The following CSMD3 variants were observed in gnomAD, a reference collection of about 807,000 sequenced individuals.
CSMD3 encodes CUB and Sushi multiple domains 3.
In CSMD3, 177 loss-of-function variants were observed where a neutral mutation model predicts 435.2. That is an observed-to-expected ratio of 0.41 (90% confidence interval 0.36 to 0.46). The LOEUF is 0.46. Ranked by LOEUF, CSMD3 falls within the 20% of genes least tolerant of loss-of-function variation. CSMD3 has a pLI of 0.34. For synonymous variants in CSMD3, 1,656 were observed against 1,520.5 expected (o/e 1.09, Z -2.07); for missense variants, 4,265 against 4,504.6 (o/e 0.95, Z 1.52).
chr8:113,000,537 C>T (rs985227540), intron 6 of CSMD3, among the ~76,000 whole-genome samples: 1 of 151,900 alleles, frequency 6.6e-6, no homozygotes, highest in South Asian at 2.1e-4. Flanking sequence ...TTAGTCATTC[C>T]ACAATGCATT....
intron 67 of CSMD3, 80 bp from the exon 68 acceptor site, chr8:112,234,557 T>C: frequency 1.2e-6 from 1 of 829,672 alleles, no homozygotes; most frequent in Admixed American, 1.8e-5. Context: ...ATTCCTTAAA[T>C]AGATTATGTA....
At chr8:113,331,849 T>C (rs55812730) in intron 1 of CSMD3, among the ~76,000 whole-genome samples, 15,758 of 151,732 alleles carry the variant, frequency 0.1, 954 homozygotes, top group Middle Eastern at 0.17. Flanking sequence ...AGATAGGGCT[T>C]TTCCTCTAAG....
chr8:112,368,177 T>C (rs567289367), intron 38 of CSMD3, among the ~76,000 whole-genome samples: 1 of 152,288 alleles, frequency 6.6e-6, no homozygotes, highest in East Asian at 1.9e-4. Flanking sequence ...AAATTCTTAT[T>C]TGCCAGAAGG....
intron 12 of CSMD3, among the ~76,000 whole-genome samples, chr8:112,815,434 C>T (rs973217472): frequency 3.6e-4 from 55 of 152,110 alleles, no homozygotes; most frequent in African/African-American, 1.3e-3. Context: ...AAATCTTTAG[C>T]ATACACATCT....
At chr8:113,215,050 T>C (rs903807514) in intron 3 of CSMD3, among the ~76,000 whole-genome samples, 1 of 151,874 alleles carries the variant, frequency 6.6e-6, no homozygotes, top group South Asian at 2.1e-4. Context: ...TGCTATCGTA[T>C]ACAGAGCCAC....
chr8:112,250,530 G>A (rs1354892333), intron 63 of CSMD3, among the ~76,000 whole-genome samples: 1 of 151,344 alleles, frequency 6.6e-6, no homozygotes, highest in African/African-American at 2.4e-5. Flanking sequence ...ATTTTAAATA[G>A]TTCTTTATCC....
At chr8:113,413,733 T>A (rs554744779) in intron 1 of CSMD3, among the ~76,000 whole-genome samples, 1 of 152,198 alleles carries the variant, frequency 6.6e-6, no homozygotes, top group South Asian at 2.1e-4. Flanking sequence ...TTTTGTATAG[T>A]GACAATGAAA....
rs562151524 is a variant in CSMD3, at chr8:112,366,644, C to T, written c.6136+13708G>A. On this transcript the variant is annotated intron_variant, in intron 38 of 70. Transcript: ENST00000297405. ...ACCTCCTGACCTCAGGTGATTTGCC[C>T]GCCTTGGCCTCCCAAAGTGCTGGGA... Among the ~76,000 whole-genome samples, 58 of 152,224 alleles carry T rather than the reference C, an allele frequency of 3.8e-4. 1 individual carries two copies. The highest frequency in any genetic ancestry group is 1.7e-3 in the South Asian group (8 of 4,824).
chr8:112,510,286 G>A (rs1822973796), intron 28 of CSMD3, among the ~76,000 whole-genome samples: 1 of 152,118 alleles, frequency 6.6e-6, no homozygotes, highest in Non-Finnish European at 1.5e-5. Context: ...GTTTCACATT[G>A]TCTAAAATAT....
intron 3 of CSMD3, among the ~76,000 whole-genome samples, chr8:113,257,274 G>T (rs1226284211): frequency 6.6e-6 from 1 of 152,134 alleles, no homozygotes; most frequent in Non-Finnish European, 1.5e-5. Context: ...AGCCAGGCAT[G>T]GTGGCAGGTG....
At chr8:112,989,690 T>C (rs2085382092) in intron 6 of CSMD3, among the ~76,000 whole-genome samples, 1 of 151,946 alleles carries the variant, frequency 6.6e-6, no homozygotes, top group Non-Finnish European at 1.5e-5. Context: ...CCCACTTGGG[T>C]AAGGATGTCC....
At chr8:113,277,614 G>C (rs542598931) in intron 3 of CSMD3, among the ~76,000 whole-genome samples, 43 of 151,980 alleles carry the variant, frequency 2.8e-4, no homozygotes, top group African/African-American at 9.4e-4. Context: ...ATATGGTTTA[G>C]AAATTAATTG....
intron 1 of CSMD3, among the ~76,000 whole-genome samples, chr8:113,348,378 T>G (rs953392030): frequency 6.6e-6 from 1 of 152,140 alleles, no homozygotes; most frequent in Non-Finnish European, 1.5e-5. Flanking sequence ...AGTAGAGCCA[T>G]GTACCAAACA....
chr8:112,635,626 T>G (rs2074635545), intron 22 of CSMD3, among the ~76,000 whole-genome samples: 1 of 152,046 alleles, frequency 6.6e-6, no homozygotes, highest in Admixed American at 6.6e-5. Context: ...TCTATAAAAA[T>G]CTGTGATTTT....
At chr8:113,433,106 A>C (rs2094685004) in intron 1 of CSMD3, among the ~76,000 whole-genome samples, 1 of 152,012 alleles carries the variant, frequency 6.6e-6, no homozygotes, top group African/African-American at 2.4e-5. Context: ...GGGGGCCCTG[A>C]CTCAAATACA....
intron 3 of CSMD3, among the ~76,000 whole-genome samples, chr8:113,187,485 T>C (rs930463744): frequency 6.6e-6 from 1 of 151,956 alleles, no homozygotes; most frequent in Non-Finnish European, 1.5e-5. Flanking sequence ...AGCTGGAAAA[T>C]ACTGGAAACT....
chr8:113,400,380 C>T (rs2094504564), intron 1 of CSMD3, among the ~76,000 whole-genome samples: 1 of 151,948 alleles, frequency 6.6e-6, no homozygotes, highest in African/African-American at 2.4e-5. Context: ...ACTAGGGACG[C>T]AGAATAAATC....
At chr8:112,936,110 A>G (rs2083274276) in intron 9 of CSMD3, among the ~76,000 whole-genome samples, 1 of 152,038 alleles carries the variant, frequency 6.6e-6, no homozygotes, top group Admixed American at 6.6e-5. Context: ...GTTGTCACAG[A>G]CTTCCTCGCT....
At chr8:112,322,180 A>G (rs1036518587) in intron 45 of CSMD3, among the ~76,000 whole-genome samples, 4 of 152,098 alleles carry the variant, frequency 2.6e-5, no homozygotes, top group Middle Eastern at 3.2e-3. Flanking sequence ...TCTTCATGCT[A>G]ATCCTAAATT....
Sources: allele counts gnomAD v4.1 joint callset (sites outside exome capture counted in the v4.1 genomes callset), GRCh38; gene constraint gnomAD v4.1.1; transcripts MANE v1.5; gene names NCBI Gene and HGNC (gene_info 2026-07-23, HGNC 2026-07-21).